The following DNAH8 variants were observed in gnomAD, a reference collection of about 807,000 sequenced individuals.
DNAH8 encodes dynein axonemal heavy chain 8.
Under a neutral mutation model 562.1 loss-of-function variants are expected in DNAH8, and 382 were observed. That is an observed-to-expected ratio of 0.68 (90% CI 0.63 to 0.74). The LOEUF (loss-of-function observed/expected upper bound fraction) is 0.74. Among genes scored for constraint, DNAH8 ranks in the 30% least tolerant of loss-of-function variants. The probability of loss-of-function intolerance (pLI) is 0.00; values close to 1 mark genes in which losing one functional copy is unlikely to be tolerated. For synonymous variants in DNAH8, 1,881 were observed against 1,919.4 expected (o/e 0.98, Z 0.52); for missense variants, 5,203 against 5,620.4 (o/e 0.93, Z 2.37).
chr6:38,757,194 CT>C lies in DNAH8; in HGVS notation c.1515+1120del, dbSNP rs1180921189. On this transcript the variant is annotated intron_variant, in intron 10 of 92. Coordinates refer to ENST00000327475, the MANE Select transcript of DNAH8 (RefSeq NM_001206927.2). The stretch of plus-strand genomic sequence containing the variant: ...CTCTCCAGCACCTGTTGTTTCCTGA[CT>C]TTTTAATGATCGCCATTCTAACTGG... Among the ~76,000 whole-genome samples the C allele has an allele frequency of 2.7e-3, 405 of 151,284 alleles. 1 individual carries two copies. The highest frequency in any genetic ancestry group is 9.2e-3 in the African/African-American group (382 of 41,430).
chr6:38,822,858 C>A lies in DNAH8; in HGVS notation c.3544C>A (p.Pro1182Thr). 1 of 1,596,480 alleles carries A rather than the reference C, an allele frequency of 6.3e-7. No homozygotes were observed. The highest frequency in any genetic ancestry group is 1.1e-5 in the South Asian group (1 of 87,036). ...TTCAGGATCTTTTGAAGAAGCTATT[C>A]CTGCGAGGAAGCTGAAGAATTTTTA... ...KEERSFEEAI[P>T]ARKLKNFYPG... is the part of the protein sequence containing the mutation. Residue 1182 changes from proline to threonine, a missense_variant, in exon 27 of 93, where the codon CCT becomes ACT. By Grantham distance (38) the Pro-to-Thr change is conservative. Around this residue, in one of 6 missense-constraint regions of DNAH8, gnomAD observed 2,176 missense variants for 2,365.1 expected, o/e 0.92. Coordinates refer to ENST00000327475, the MANE Select transcript of DNAH8 (RefSeq NM_001206927.2).
chr6:38,781,334 G>C lies in DNAH8; in HGVS notation c.2220G>C (p.Gln740His), dbSNP rs1180094502. Residue 740 changes from glutamine to histidine, a missense_variant, in exon 16 of 93, where the codon CAG (glutamine) becomes CAC (histidine). Gln to His is a conservative substitution (Grantham distance 24). Coordinates refer to ENST00000327475, the MANE Select transcript of DNAH8 (RefSeq NM_001206927.2). The stretch of plus-strand genomic sequence containing the variant: ...CAGGAAAAATACTCTGGGTGAGGCA[G>C]CTCTATCGCCGGATAAGTGAGCCCA... ...PIAGKILWVR[Q>H]LYRRISEPIN... 6.2e-7 allele frequency: 1 copy of C among 1,613,766 alleles called. No individual in the cohort carries two copies.
rs565765910 is a variant in DNAH8, at chr6:39,025,401, G to A, written c.13715-1145G>A. Reference sequence around the variant, plus strand: ...CATGGATGGCCTCTTCATCTTTGTGGTCATCCCACATAGTGCAGGGCTTGG... The same window carrying A: ...CATGGATGGCCTCTTCATCTTTGTGATCATCCCACATAGTGCAGGGCTTGG... On this transcript the variant is annotated intron_variant, in intron 91 of 92. Transcript: ENST00000327475. Among the ~76,000 whole-genome samples the A allele has an allele frequency of 2.4e-4, 36 of 152,282 alleles. 2 individuals carry two copies. The South Asian group carries it at 6.4e-3, about 27-fold the overall frequency.
intron 75 of DNAH8, among the ~76,000 whole-genome samples, chr6:38,930,632 A>T (rs889005851): frequency 1.3e-5 from 2 of 152,152 alleles, no homozygotes; most frequent in Non-Finnish European, 2.9e-5. Flanking sequence ...TCTCTTTTTC[A>T]TAAAAAGAAG....
chr6:38,813,742 A>T (rs1738223), intron 24 of DNAH8, among the ~76,000 whole-genome samples: 1 of 151,950 alleles, frequency 6.6e-6, no homozygotes, highest in African/African-American at 2.4e-5. Flanking sequence ...TGGTGATCTC[A>T]TCTTGTATCT....
rs1011034622 is a variant in DNAH8, at chr6:38,868,053, C to G, written c.6694-9C>G. The G allele has an allele frequency of 2.5e-6, 4 of 1,604,708 alleles. No individual in the cohort carries two copies. The highest frequency in any genetic ancestry group is 3.4e-6 in the Non-Finnish European group (4 of 1,177,252). Reference sequence around the variant, plus strand: ...TAAACCATCTTTTTGCCCTCTTCTCCCATCTCAGGTTCATTATGACTTTGG... The same window carrying G: ...TAAACCATCTTTTTGCCCTCTTCTCGCATCTCAGGTTCATTATGACTTTGG... On this transcript the variant is annotated splice_polypyrimidine_tract_variant and intron_variant, in intron 47 of 92. Transcript: ENST00000327475.
intron 21 of DNAH8, among the ~76,000 whole-genome samples, chr6:38,796,217 A>G (rs1770236385): frequency 6.6e-6 from 1 of 152,154 alleles, no homozygotes; most frequent in South Asian, 2.1e-4. Flanking sequence ...CAGCCCTTCC[A>G]GAGCCAGCCC....
intron 74 of DNAH8, among the ~76,000 whole-genome samples, chr6:38,927,037 C>T (rs553169143): frequency 2.6e-5 from 4 of 152,062 alleles, no homozygotes; most frequent in African/African-American, 9.6e-5. Context: ...CCTTTTTGGC[C>T]AAGTTTTATT....
intron 88 of DNAH8, among the ~76,000 whole-genome samples, chr6:38,991,124 T>C (rs1764754523): frequency 6.6e-6 from 1 of 152,230 alleles, no homozygotes; most frequent in South Asian, 2.1e-4. Context: ...CCCAGTTTGC[T>C]GCCAATTTCC....
intron 53 of DNAH8, 26 bp from the exon 54 acceptor site, chr6:38,882,884 A>G: frequency 1.3e-6 from 2 of 1,483,358 alleles, no homozygotes; most frequent in Non-Finnish European, 1.8e-6. Context: ...TGGTTCTATT[A>G]AGATGAAATT....
chr6:38,790,863 A>G (rs1769678500), intron 20 of DNAH8, among the ~76,000 whole-genome samples: 1 of 151,544 alleles, frequency 6.6e-6, no homozygotes, highest in Non-Finnish European at 1.5e-5. Context: ...TATTTCTTTT[A>G]CTGGATTGGG....
At chr6:38,770,700 C>A in intron 12 of DNAH8, 141 bp downstream of exon 12, 2 of 746,990 alleles carry the variant, frequency 2.7e-6, no homozygotes, top group Non-Finnish European at 3.8e-6. Context: ...ACTTATAGGT[C>A]ACTGCATTTT....
At chr6:38,865,665 C>T (rs1037024380) in intron 45 of DNAH8, among the ~76,000 whole-genome samples, 3 of 152,156 alleles carry the variant, frequency 2.0e-5, no homozygotes, top group Non-Finnish European at 2.9e-5. Context: ...TACAGTGTGC[C>T]CCTTTGCATC....
intron 82 of DNAH8, among the ~76,000 whole-genome samples, chr6:38,957,232 G>C (rs910973050): frequency 6.6e-6 from 1 of 151,084 alleles, no homozygotes; most frequent in African/African-American, 2.4e-5. Flanking sequence ...GTGCATGTGT[G>C]CATACACACA....
intron 88 of DNAH8, among the ~76,000 whole-genome samples, chr6:38,992,782 C>T (rs548066447): frequency 2.6e-5 from 4 of 152,246 alleles, no homozygotes; most frequent in East Asian, 1.9e-4. Flanking sequence ...AGAAGTACAA[C>T]GCAAATGTAA....
intron 71 of DNAH8, among the ~76,000 whole-genome samples, chr6:38,921,710 G>T (rs998802245): frequency 6.6e-6 from 1 of 152,158 alleles, no homozygotes; most frequent in Non-Finnish European, 1.5e-5. Context: ...TTAGAAAACT[G>T]GGTTTGAGAT....
intron 23 of DNAH8, among the ~76,000 whole-genome samples, 200 bp from the exon 24 acceptor site, chr6:38,807,410 A>G (rs537424650): frequency 4.6e-5 from 7 of 152,136 alleles, no homozygotes; most frequent in Non-Finnish European, 1.0e-4. Flanking sequence ...ATGCAAACAC[A>G]TTTTTCATGT....
chr6:38,779,845 G>C (rs1768409515), intron 14 of DNAH8, 121 bp from the exon 15 acceptor site: 1 of 966,752 alleles, frequency 1.0e-6, no homozygotes, highest in South Asian at 1.4e-5. Context: ...TTTGTCCTAG[G>C]ACAACGAATG....
intron 76 of DNAH8, among the ~76,000 whole-genome samples, chr6:38,934,850 T>C (rs1291194256): frequency 1.3e-5 from 2 of 152,180 alleles, no homozygotes; most frequent in Non-Finnish European, 2.9e-5. Flanking sequence ...ACAATAACAA[T>C]AATGACAACA....
Sources: gnomAD v4.1 joint callset for allele counts (sites outside exome capture counted in the v4.1 genomes callset) on GRCh38, gnomAD v4.1.1 for gene constraint, gnomAD v4.1.1 regional missense constraint, MANE v1.5 for transcripts, NCBI Gene and HGNC (gene_info 2026-07-23, HGNC 2026-07-21) for gene names.